The following HMCES variants were observed in gnomAD, a reference collection of about 807,000 sequenced individuals.
HMCES encodes the protein abasic site processing protein HMCES.
In HMCES, 27 loss-of-function variants were observed where a neutral mutation model predicts 35.1. The observed-to-expected ratio is 0.77, with a 90% CI of 0.57 to 1.06. The LOEUF is 1.06. Ranked by LOEUF, HMCES falls within the 50% of genes least tolerant of loss-of-function variation. The pLI is 0.00. For synonymous variants in HMCES, 130 were observed against 154.7 expected, an observed-to-expected ratio of 0.84 and a Z score of 1.18; for missense variants, 391 against 430.4, an observed-to-expected ratio of 0.91 and a Z score of 0.81.
At position 129,279,723 on chromosome 3, in the gene HMCES, G is replaced by A; in HGVS notation, c.-10G>A. 1 of 1,612,676 alleles carries A rather than the reference G, an allele frequency of 6.2e-7. No individual in the cohort carries two copies. Among genetic ancestry groups the A allele is most frequent in the Non-Finnish European group, 8.5e-7 (1 of 1,179,462 alleles). ...TGTAATTTAAAGGTTGCGAGGGGCG[G>A]TGTTGAAGAATGTGTGGGCGAACAT... On this transcript the variant is annotated 5_prime_UTR_variant, in exon 2 of 7. It adds an upstream start codon to the 5' untranslated region. Transcript: ENST00000383463. This position sits in a 1 kb window ranked among gnomAD's most constrained non-coding sequence, Gnocchi z 4.2.
chr3:129,296,530 C>T (rs2071094665), intron 4 of HMCES, among the ~76,000 whole-genome samples: 1 of 151,880 alleles, frequency 6.6e-6, no homozygotes, highest in African/African-American at 2.4e-5. Context: ...AATATAATCT[C>T]TTGAATCTGG....
intron 4 of HMCES, among the ~76,000 whole-genome samples, chr3:129,295,464 A>G (rs1229386223): frequency 6.6e-6 from 1 of 151,948 alleles, no homozygotes; most frequent in East Asian, 1.9e-4. Context: ...ACCCCACAAA[A>G]TGTTGTGCAG....
Position 129,279,527 on chromosome 3 carries a change from G to A in HMCES, c.-23-183G>A, listed in dbSNP as rs1443276129. The stretch of plus-strand genomic sequence containing the variant: ...AGTGCCCTGCACGGAGCTGGGCAGT[G>A]GGCTCAGGGAGCGAAGCAAACGGGC... On this transcript the variant is annotated intron_variant, in intron 1 of 6. Coordinates refer to ENST00000383463, the MANE Select transcript of HMCES (RefSeq NM_020187.3). This position sits in a 1 kb window ranked among gnomAD's most constrained non-coding sequence, Gnocchi z 4.2. Among the ~76,000 whole-genome samples, 2 of 152,242 alleles carry A rather than the reference G, an allele frequency of 1.3e-5. No individual in the cohort carries two copies. The highest frequency in any genetic ancestry group is 2.9e-5 in the Non-Finnish European group (2 of 68,042).
At chr3:129,288,402 A>C (rs1940696826) in intron 2 of HMCES, among the ~76,000 whole-genome samples, 1 of 152,260 alleles carries the variant, frequency 6.6e-6, no homozygotes, top group African/African-American at 2.4e-5. Flanking sequence ...ATAAGTCATT[A>C]AATTGTTTTT....
intron 3 of HMCES, among the ~76,000 whole-genome samples, chr3:129,290,441 G>A (rs1161129483): frequency 1.3e-5 from 2 of 151,736 alleles, no homozygotes; most frequent in Admixed American, 6.6e-5. Flanking sequence ...GCACTACCAC[G>A]CCCAGCTGAT....
chr3:129,279,005 C>T lies in HMCES; in HGVS notation c.-24+100C>T, dbSNP rs1940368584. ...TGACAGAGGGGAGCAGAGGCCCGAG[C>T]GGACGCGAGGCGACGCGGAGAGGGC... On this transcript the variant is annotated intron_variant, in intron 1 of 6. Coordinates refer to ENST00000383463, the MANE Select transcript of HMCES (RefSeq NM_020187.3). The surrounding 1 kb of genome is among the most constrained non-coding windows in gnomAD (Gnocchi z 4.2). 1 of 150,356 alleles carries T rather than the reference C, an allele frequency of 6.7e-6. No homozygotes were observed. The highest frequency in any genetic ancestry group is 1.5e-5 in the Non-Finnish European group (1 of 68,006). 9.3% of individuals were successfully genotyped at this position (150,356 alleles called of 1,614,324 possible). A position where few individuals can be genotyped will look rare whatever the true frequency, so the allele number is the denominator to read the frequency against.
At chr3:129,290,509 C>T (rs966505889) in intron 3 of HMCES, among the ~76,000 whole-genome samples, 170 bp from the exon 4 acceptor site, 2 of 152,086 alleles carry the variant, frequency 1.3e-5, no homozygotes, top group African/African-American at 4.8e-5. Flanking sequence ...GTCTCGAACT[C>T]CTGACCTCAA....
In HMCES at chr3:129,304,622, T is replaced by C. The variant is rs761233096; in HGVS notation, c.862T>C (p.Leu288=). Residue 288 remains leucine (L), a synonymous_variant, in exon 7 of 7, where the codon TTG becomes CTG. Transcript: ENST00000383463. The part of the protein sequence containing the change: ...LRASGSSQRM[L]QWLATKSPKK... ...GGCAAGTGGCAGTAGCCAGAGGATG[T>C]TGCAGTGGTTGGCCACAAAGTCACC... 1.2e-6 allele frequency: 2 copies of C among 1,614,058 alleles called. No homozygotes were observed. Among genetic ancestry groups the C allele is most frequent in the Non-Finnish European group, 1.7e-6 (2 of 1,180,026 alleles).
chr3:129,293,284 A>G (rs897957009), intron 4 of HMCES, among the ~76,000 whole-genome samples: 3 of 152,126 alleles, frequency 2.0e-5, no homozygotes, highest in East Asian at 3.8e-4. Context: ...ATAATTCCCT[A>G]TCAGTGATGG....
At chr3:129,290,853 CAAATT>C (rs777376289) in intron 4 of HMCES, 49 bp downstream of exon 4, 3 of 1,524,346 alleles carry the variant, frequency 2.0e-6, no homozygotes, top group East Asian at 2.3e-5. Context: ...CACAGGGAAA[CAAATT>C]AATCCAAAGG....
At chr3:129,284,422 G>A (rs949987868) in intron 2 of HMCES, among the ~76,000 whole-genome samples, 1 of 152,164 alleles carries the variant, frequency 6.6e-6, no homozygotes, top group Non-Finnish European at 1.5e-5. Context: ...GTTTAAATTA[G>A]ATGTCTTTAA....
intron 5 of HMCES, among the ~76,000 whole-genome samples, chr3:129,299,421 G>C (rs928837284): frequency 7.2e-5 from 11 of 152,054 alleles, no homozygotes; most frequent in African/African-American, 2.4e-4. Flanking sequence ...TCAATGTATA[G>C]CCTTCTCCTC....
chr3:129,295,091 A>G (rs62266898), intron 4 of HMCES, among the ~76,000 whole-genome samples: 13 of 150,780 alleles, frequency 8.6e-5, no homozygotes, highest in African/African-American at 1.2e-4. Flanking sequence ...CCCAGGAGGC[A>G]GAGCTTGCAG....
Position 129,304,860 on chromosome 3 carries a change from T to G in HMCES, c.*35T>G, listed in dbSNP as rs1189184275. The G allele has an allele frequency of 6.7e-7, 1 of 1,483,340 alleles. No individual in the cohort carries two copies. The highest frequency in any genetic ancestry group is 9.4e-7 in the Non-Finnish European group (1 of 1,061,616). The allele number at this position is 1,483,340 out of a possible 1,614,324, so 91.9% of individuals were successfully genotyped here. On this transcript the variant is annotated 3_prime_UTR_variant, in exon 7 of 7. Coordinates refer to ENST00000383463, the MANE Select transcript of HMCES (RefSeq NM_020187.3). ...TTCAGAGACCAAGGCCAGGGTCTGCTGCACTGCTGTTCTGATAATAGGTTC... is the reference window on the plus strand; with the variant it reads ...TTCAGAGACCAAGGCCAGGGTCTGCGGCACTGCTGTTCTGATAATAGGTTC...
intron 2 of HMCES, among the ~76,000 whole-genome samples, chr3:129,283,818 G>A (rs930574687): frequency 6.6e-6 from 1 of 152,060 alleles, no homozygotes; most frequent in Non-Finnish European, 1.5e-5. Flanking sequence ...CAACAAGAGC[G>A]AAACTCTGTC....
At chr3:129,292,482 GT>G (rs201807578) in intron 4 of HMCES, among the ~76,000 whole-genome samples, 14,508 of 140,976 alleles carry the variant, frequency 0.1, 2,161 homozygotes, top group African/African-American at 0.33. Flanking sequence ...ACAGAGAAAA[GT>G]TTTTTTTTTT....
intron 4 of HMCES, among the ~76,000 whole-genome samples, chr3:129,292,669 T>A (rs554371888): frequency 5.6e-4 from 85 of 151,858 alleles, no homozygotes; most frequent in African/African-American, 2.0e-3. Context: ...ATTTTTTGTA[T>A]TTTTAGTAGA....
At chr3:129,294,533 C>A (rs912932481) in intron 4 of HMCES, among the ~76,000 whole-genome samples, 1 of 152,176 alleles carries the variant, frequency 6.6e-6, no homozygotes, top group Non-Finnish European at 1.5e-5. Context: ...ATTGAAAATA[C>A]CTTACAACAG....
intron 2 of HMCES, 146 bp from the exon 3 acceptor site, chr3:129,288,704 TAAAA>T (rs1168875752): frequency 4.3e-6 from 3 of 690,698 alleles, no homozygotes; most frequent in African/African-American, 1.9e-5. Context: ...TCAAAAAAAA[TAAAA>T]AAATTGTTTT....
Sources: gnomAD v4.1 joint callset for allele counts (sites outside exome capture counted in the v4.1 genomes callset) on GRCh38, gnomAD v4.1.1 for gene constraint, Gnocchi (gnomAD v3.1) non-coding constraint, MANE v1.5 for transcripts, NCBI Gene and HGNC (gene_info 2026-07-23, HGNC 2026-07-21) for gene names.